The following UNC79 variants were observed in gnomAD, a reference collection of about 807,000 sequenced individuals.
UNC79 encodes the protein unc-79 subunit of NALCN channel complex, also known as protein unc-79 homolog.
Under a neutral mutation model 283.1 loss-of-function variants are expected in UNC79, and 37 were observed. The observed-to-expected ratio is 0.13, with a 90% confidence interval of 0.10 to 0.17. The LOEUF (loss-of-function observed/expected upper bound fraction) is 0.17. Among genes scored for constraint, UNC79 ranks in the 10% least tolerant of loss-of-function variants. The pLI is 1.00. For missense variants in UNC79, 2,272 were observed against 3,211.1 expected (o/e 0.71, Z 7.07); for synonymous variants, 1,107 against 1,200.2 (o/e 0.92, Z 1.61).
rs114521935 is a variant in UNC79, at chr14:93,571,736, G to A, written c.1756-158G>A. 8.6e-3 allele frequency among the ~76,000 whole-genome samples: 1,305 copies of A among 152,276 alleles called. 28 individuals are homozygous for A. Among genetic ancestry groups the A allele is most frequent in the African/African-American group, 0.03 (1,249 of 41,566 alleles). On this transcript the variant is annotated intron_variant, in intron 14 of 48. Coordinates refer to ENST00000555664, the Ensembl canonical transcript of UNC79. The stretch of plus-strand genomic sequence containing the variant: ...AACTGATGGATCCTGGTGGTTTGCC[G>A]TCTTACGAATCAATCTCACACTGAA...
intron 47 of UNC79, among the ~76,000 whole-genome samples, chr14:93,695,908 A>AAAAAAAAAAAAAAAAAAAAAAAAAAC (rs2075081580): frequency 6.8e-6 from 1 of 147,914 alleles, no homozygotes; most frequent in Non-Finnish European, 1.5e-5. Flanking sequence ...AAAAAAAAAA[A>AAAAAAAAAAAAAAAAAAAAAAAAAAC]AAGCAAACAA....
intron 33 of UNC79, among the ~76,000 whole-genome samples, chr14:93,643,330 C>T (rs1270185046): frequency 1.3e-5 from 2 of 152,172 alleles, no homozygotes; most frequent in Admixed American, 6.6e-5. Context: ...ACTGAAAGAA[C>T]ATTTTCAGTC....
intron 1 of UNC79, among the ~76,000 whole-genome samples, chr14:93,357,637 C>A (rs1343096061): frequency 7.8e-6 from 1 of 127,646 alleles, no homozygotes; most frequent in African/African-American, 2.9e-5. Context: ...TATTGTGGGA[C>A]CTTGTGATTG....
At chr14:93,654,203 G>C (rs1476609443) in intron 37 of UNC79, among the ~76,000 whole-genome samples, 178 bp downstream of exon 40, 4 of 151,990 alleles carry the variant, frequency 2.6e-5, no homozygotes, top group African/African-American at 4.8e-5. Context: ...TAAATTTAAA[G>C]CTAAGGGCTG....
chr14:93,349,351 A>G (rs1822862704), intron 1 of UNC79, among the ~76,000 whole-genome samples: 1 of 152,216 alleles, frequency 6.6e-6, no homozygotes, highest in South Asian at 2.1e-4. Flanking sequence ...GACTTGCAAG[A>G]CTGGCCGTCT....
At chr14:93,605,363 G>A (rs1484157177) in intron 26 of UNC79, among the ~76,000 whole-genome samples, 1 of 152,132 alleles carries the variant, frequency 6.6e-6, no homozygotes, top group Non-Finnish European at 1.5e-5. Flanking sequence ...TTGAACCACT[G>A]TCATCCGCTC....
intron 39 of UNC79, among the ~76,000 whole-genome samples, chr14:93,661,708 G>T (rs1158115581): frequency 1.3e-5 from 2 of 152,182 alleles, no homozygotes; most frequent in African/African-American, 4.8e-5. Flanking sequence ...CACTGATGGA[G>T]AGCTTACTGG....
intron 35 of UNC79, among the ~76,000 whole-genome samples, chr14:93,652,603 G>A (rs750049262): frequency 3.9e-5 from 6 of 152,148 alleles, no homozygotes; most frequent in Non-Finnish European, 8.8e-5. Flanking sequence ...TTTGTGAGAT[G>A]TATTTTCTGC....
At chr14:93,660,651 G>A (rs1432906715) in intron 39 of UNC79, among the ~76,000 whole-genome samples, 3 of 149,490 alleles carry the variant, frequency 2.0e-5, no homozygotes, top group African/African-American at 7.4e-5. Flanking sequence ...GTGCAGTGAT[G>A]CCAACTTGGC....
intron 8 of UNC79, among the ~76,000 whole-genome samples, chr14:93,525,273 C>T (rs1053088479): frequency 2.6e-5 from 4 of 151,914 alleles, no homozygotes; most frequent in African/African-American, 4.8e-5. Flanking sequence ...GGTGAAACCC[C>T]GTCTCTACTA....
chr14:93,639,372 C>G (rs190316441), intron 32 of UNC79, among the ~76,000 whole-genome samples: 58 of 152,304 alleles, frequency 3.8e-4, no homozygotes, highest in Middle Eastern at 3.4e-3. Context: ...TTTCTTGAAG[C>G]AACTTCATGC....
At chr14:93,691,663 C>G in intron 45 of UNC79, 86 bp from the exon 49 acceptor site, 1 of 1,465,630 alleles carries the variant, frequency 6.8e-7, no homozygotes, top group Non-Finnish European at 9.5e-7. Flanking sequence ...TGCTCCCTGG[C>G]AAGACCAAAG....
chr14:93,688,744 C>G lies in UNC79; in HGVS notation c.6989C>G (p.Ala2330Gly). 1 of 1,614,008 alleles carries G rather than the reference C, an allele frequency of 6.2e-7. No homozygotes were observed. Among genetic ancestry groups the G allele is most frequent in the Non-Finnish European group, 8.5e-7 (1 of 1,179,990 alleles). The change falls in exon 44 of 49, where the codon GCA (alanine) becomes GGA (glycine). Residue 2330 changes from alanine to glycine, a missense_variant. Ala to Gly is a moderately conservative substitution (Grantham distance 60, BLOSUM62 0). This residue lies in a region of UNC79 where 225 missense variants were observed against 334.2 expected (regional missense o/e 0.67). Coordinates refer to ENST00000555664, the Ensembl canonical transcript of UNC79. This position sits in a 1 kb window ranked among gnomAD's most constrained non-coding sequence, Gnocchi z 4.0. ...CTCAAAGTGGGGCTGGCCCAGATTG[C>G]AGCCATGGACATCTCACGGGGCAAC... is the stretch of plus-strand genomic sequence containing the variant.
chr14:93,377,130 G>T (rs992643728), intron 1 of UNC79, among the ~76,000 whole-genome samples: 1 of 134,382 alleles, frequency 7.4e-6, no homozygotes, highest in African/African-American at 2.8e-5. Context: ...ATGGAGTCTC[G>T]CTCTGTCACC....
chr14:93,592,932 A>G (rs555235791), intron 22 of UNC79, among the ~76,000 whole-genome samples: 8 of 152,008 alleles, frequency 5.3e-5, no homozygotes, highest in Non-Finnish European at 8.8e-5. Context: ...GGCTTCTTAA[A>G]TGGAACTAAG....
At position 93,569,439 on chromosome 14, in the gene UNC79, AAAAAAAT is replaced by A. The variant is rs748367660; in HGVS notation, c.1756-2438_1756-2432del. ...GTGACAGAGCCAGACTCCATCTCCA[AAAAAAAT>A]AAAAAATAAAAAATAAGAGATTGCT... On this transcript the variant is annotated intron_variant, in intron 14 of 48. Coordinates refer to ENST00000555664, the Ensembl canonical transcript of UNC79. 9.3e-4 allele frequency among the ~76,000 whole-genome samples: 142 copies of A among 152,290 alleles called. 1 individual carries two copies. Among genetic ancestry groups the A allele is most frequent in the Non-Finnish European group, 1.6e-3 (111 of 68,026 alleles).
rs146931098 is a variant in UNC79 at position 93,560,870 on chromosome 14, A to G, written c.1756-11024A>G. On this transcript the variant is annotated intron_variant, in intron 14 of 48. Transcript: ENST00000555664. ...AGGGCGGCAGCCGTCAGAGGTTGTA[A>G]TGGGGACTGATGGGGTAACTGCATA... is the stretch of plus-strand genomic sequence containing the variant. Among the ~76,000 whole-genome samples the G allele has an allele frequency of 3.9e-3, 587 of 152,260 alleles. 4 individuals carry two copies. Among genetic ancestry groups the G allele is most frequent in the African/African-American group, 0.013 (547 of 41,554 alleles).
chr14:93,347,421 G>T (rs1566883019), intron 1 of UNC79: 3 of 1,468,022 alleles, frequency 2.0e-6, no homozygotes, highest in Non-Finnish European at 2.7e-6. Flanking sequence ...CCATCATGGT[G>T]GGCGGGAAGC....
chr14:93,519,899 T>G (rs2060243341), intron 7 of UNC79, among the ~76,000 whole-genome samples: 1 of 151,858 alleles, frequency 6.6e-6, no homozygotes, highest in African/African-American at 2.4e-5. Context: ...TCATTATAAT[T>G]ATTTTTTGTT....
Sources: allele counts gnomAD v4.1 joint callset (sites outside exome capture counted in the v4.1 genomes callset), GRCh38; gene constraint gnomAD v4.1.1; regional missense constraint gnomAD v4.1.1; non-coding constraint Gnocchi (gnomAD v3.1); transcripts MANE v1.5; gene names NCBI Gene and HGNC (gene_info 2026-07-23, HGNC 2026-07-21).